RSKR: variants seen among roughly 807,000 people sequenced by gnomAD.
RSKR encodes the protein ribosomal protein S6 kinase related.
A neutral mutation model predicts 56.8 loss-of-function variants in RSKR; 44 were observed. The ratio of observed to expected loss-of-function variants is 0.77; its 90% CI spans 0.61 to 1.00. The LOEUF (loss-of-function observed/expected upper bound fraction) is 1.00, where lower values mean the gene tolerates loss of function less well. Ranked by LOEUF, RSKR falls within the 50% of genes least tolerant of loss-of-function variation. The probability of loss-of-function intolerance (pLI) is 0.00; values close to 1 mark genes in which losing one functional copy is unlikely to be tolerated. For missense variants in RSKR, 510 were observed against 506.9 expected, an observed-to-expected ratio of 1.01 and a Z score of -0.06; for synonymous variants, 181 against 188.0, an observed-to-expected ratio of 0.96 and a Z score of 0.30.
In RSKR at chr17:28,610,350, C is replaced by G; in HGVS notation, c.*128G>C. On this transcript the variant is annotated 3_prime_UTR_variant, in exon 12 of 12. Coordinates refer to ENST00000301037, the MANE Select transcript of RSKR (RefSeq NM_001174103.2). The stretch of plus-strand genomic sequence containing the variant: ...TCCAGGTTGGAACTCTGGTCTAAAG[C>G]CTAGGAGAGCAGAACGGTAAGAGGC... The G allele has an allele frequency of 5.8e-6, 5 of 869,502 alleles. No homozygotes were observed. The highest frequency in any genetic ancestry group is 8.8e-6 in the Non-Finnish European group (5 of 571,286). The allele number at this position is 869,502 out of a possible 1,614,324, so 53.9% of individuals were successfully genotyped here.
In RSKR at chr17:28,610,976, G is replaced by A; in HGVS notation, c.1011+167C>T. 3 of 690,094 alleles carry A rather than the reference G, an allele frequency of 4.3e-6. No homozygotes were observed. The South Asian group carries it at 5.8e-5, about 13-fold the overall frequency. The allele number at this position is 690,094 out of a possible 1,614,324, so 42.7% of individuals were successfully genotyped here. A position where few individuals can be genotyped will look rare whatever the true frequency, so the allele number is the denominator to read the frequency against. ...ATGGGGAGGAGATTTGGGGGACCAG[G>A]AACTTAGGAATGTGACTCAGTACAG... On this transcript the variant is annotated intron_variant, in intron 11 of 11. Coordinates refer to ENST00000301037, the MANE Select transcript of RSKR (RefSeq NM_001174103.2).
At chr17:28,612,568 G>T (rs1213358315) in intron 5 of RSKR, 50 bp downstream of exon 5, 3 of 1,586,286 alleles carry the variant, frequency 1.9e-6, no homozygotes, top group South Asian at 2.2e-5. Context: ...CTCAGGTGGG[G>T]AACATGGTAC....
rs1433425859 is a variant in RSKR, at chr17:28,611,941, G to A, written c.693+103C>T. The A allele has an allele frequency of 5.0e-5, 81 of 1,612,550 alleles. No homozygotes were observed. The Admixed American group carries it at 1.4e-3, about 27-fold the overall frequency. On this transcript the variant is annotated intron_variant, in intron 7 of 11. Coordinates refer to ENST00000301037, the MANE Select transcript of RSKR (RefSeq NM_001174103.2). ...TCCCCAAATCCTTGGCACCCATGGG[G>A]GCCCCAATGTCTACAGTTCTCAGCT...
chr17:28,613,091 T>A lies in RSKR; in HGVS notation c.464A>T (p.Glu155Val), dbSNP rs2070844999. The change falls in exon 4 of 12, where the codon GAG becomes GTG. Residue 155 changes from glutamate (E) to valine (V), a missense_variant. Transcript: ENST00000301037. ...CTCTGTGCATACCTGGATGCTAACC[T>A]CCTCTTTGCACTGCCTCACGGTATC... ...QRDTVRQCKEEVSIQRQINHP... is the reference protein window; with the variant it reads ...QRDTVRQCKEVVSIQRQINHP... 2 of 1,614,096 alleles carry A rather than the reference T, an allele frequency of 1.2e-6. No homozygotes were observed. Among genetic ancestry groups the A allele is most frequent in the Non-Finnish European group, 1.7e-6 (2 of 1,180,014 alleles).
At chr17:28,611,102 A>G (rs1357330405) in intron 11 of RSKR, 41 bp downstream of exon 11, 1 of 1,489,610 alleles carries the variant, frequency 6.7e-7, no homozygotes. Flanking sequence ...GAGAGCATTA[A>G]TGGTTTCGTA....
intron 1 of RSKR, 149 bp from the exon 2 acceptor site, chr17:28,613,837 G>A: frequency 8.3e-7 from 1 of 1,207,866 alleles, no homozygotes; most frequent in Non-Finnish European, 1.1e-6. Context: ...CTTGCTTTGT[G>A]CTAAGCCCCA....
At chr17:28,613,887 T>C in intron 1 of RSKR, 199 bp from the exon 2 acceptor site, 3 of 1,006,356 alleles carry the variant, frequency 3.0e-6, no homozygotes, top group East Asian at 2.6e-5. Flanking sequence ...GGAAAATAAT[T>C]GTTGGACATT....
At position 28,608,893 on chromosome 17, in the gene RSKR, C is replaced by G. The variant is rs899746113; in HGVS notation, c.*1585G>C. 2.0e-4 allele frequency: 30 copies of G among 151,088 alleles called. No individual in the cohort carries two copies. Among genetic ancestry groups the G allele is most frequent in the African/African-American group, 7.1e-4 (29 of 40,994 alleles). 9.4% of individuals were successfully genotyped at this position (151,088 alleles called of 1,614,324 possible). ...CTTACTTTCCCTTCAAGTCTCAGGA[C>G]AAAAATGAAAATTGTGAGAAATTAG... On this transcript the variant is annotated 3_prime_UTR_variant, in exon 12 of 12. Coordinates refer to ENST00000301037, the MANE Select transcript of RSKR (RefSeq NM_001174103.2).
chr17:28,611,111 T>C (rs762373670), intron 11 of RSKR, 32 bp downstream of exon 11: 103 of 1,507,044 alleles, frequency 6.8e-5, no homozygotes, highest in Non-Finnish European at 8.5e-5. Flanking sequence ...AATGGTTTCG[T>C]AGCCAAGAAG....
rs903500961 is a variant in RSKR at position 28,608,518 on chromosome 17, T to A, written c.*1960A>T. ...TACAGTGTGTGCCCTCATGACCAGC[T>A]AATTTTTGTATTTTTTGGGGAGAAA... is the stretch of plus-strand genomic sequence containing the variant. On this transcript the variant is annotated 3_prime_UTR_variant, in exon 12 of 12. Transcript: ENST00000301037. 1.3e-5 allele frequency: 2 copies of A among 152,054 alleles called. No individual in the cohort carries two copies. Among genetic ancestry groups the A allele is most frequent in the African/African-American group, 4.8e-5 (2 of 41,366 alleles). 9.4% of individuals were successfully genotyped at this position (152,054 alleles called of 1,614,324 possible).
At position 28,609,356 on chromosome 17, in the gene RSKR, TC is replaced by T. The variant is rs1206019447; in HGVS notation, c.*1121del. 6 of 152,082 alleles carry T rather than the reference TC, an allele frequency of 3.9e-5. No homozygotes were observed. Among genetic ancestry groups the T allele is most frequent in the Admixed American group, 3.3e-4 (5 of 15,244 alleles). 9.4% of individuals were successfully genotyped at this position (152,082 alleles called of 1,614,324 possible). A position where few individuals can be genotyped will look rare whatever the true frequency, so the allele number is the denominator to read the frequency against. On this transcript the variant is annotated 3_prime_UTR_variant, in exon 12 of 12. Coordinates refer to ENST00000301037, the MANE Select transcript of RSKR (RefSeq NM_001174103.2). ...GCCTCTTAATCTCTTGGTTTGCCCATCAGAAACTGAATCATGGGCTCACTAG... is the reference window on the plus strand; with the variant it reads ...GCCTCTTAATCTCTTGGTTTGCCCATAGAAACTGAATCATGGGCTCACTAG...
rs2070816116 is a variant in RSKR at position 28,611,637 on chromosome 17, GTC to G, written c.739_740del (p.Asp247LeufsTer38). On this transcript the variant is annotated frameshift_variant, in exon 9 of 12. Transcript: ENST00000301037. LOFTEE classifies it high-confidence loss of function. ...GGGGCACGTGGCGGGACAGACCAAA[GTC>G]TGTCAGTTTCAGATGGCCTATGAAA... ...LDERGHLKLT[D>X]FGLSRHVPQG... The G allele has an allele frequency of 6.3e-7, 1 of 1,582,312 alleles. No homozygotes were observed. Among genetic ancestry groups the G allele is most frequent in the South Asian group, 1.2e-5 (1 of 83,912 alleles).
intron 5 of RSKR, 33 bp downstream of exon 5, chr17:28,612,585 C>G: frequency 6.2e-7 from 1 of 1,609,192 alleles, no homozygotes; most frequent in African/African-American, 1.3e-5. Flanking sequence ...GTACAAAGAC[C>G]CTGGGGGATG....
In RSKR at chr17:28,610,674, C is replaced by T. The variant is rs1338132246; in HGVS notation, c.1037G>A (p.Arg346His). The change falls in exon 12 of 12, where the codon CGT (arginine) becomes CAT (histidine). Residue 346 changes from arginine to histidine, a missense_variant. Arg to His is a conservative substitution (Grantham distance 29). Coordinates refer to ENST00000301037, the MANE Select transcript of RSKR (RefSeq NM_001174103.2). Reference protein sequence around the residue: ...HELLCQNPLHRLRYLHHFQVH... With the variant: ...HELLCQNPLHHLRYLHHFQVH... ...CTGGAAGTGATGCAGATAACGTAGA[C>T]GATGGAGGGGGTTCTGGCATAAGAG... 16 of 1,535,800 alleles carry T rather than the reference C, an allele frequency of 1.0e-5. No homozygotes were observed. Among genetic ancestry groups the T allele is most frequent in the Admixed American group, 3.9e-5 (2 of 50,944 alleles).
rs1470772056 is a variant in RSKR, at chr17:28,610,119, G to A, written c.*359C>T. On this transcript the variant is annotated 3_prime_UTR_variant, in exon 12 of 12. Transcript: ENST00000301037. ...TAAACACATCAATAGCACCCTGGGA[G>A]CCCATGAAGTATTATTATTGCTCAA... The A allele has an allele frequency of 1.3e-5, 3 of 224,278 alleles. No individual in the cohort carries two copies. The highest frequency in any genetic ancestry group is 1.7e-4 in the South Asian group (2 of 11,812). The allele number at this position is 224,278 out of a possible 1,614,324, so 13.9% of individuals were successfully genotyped here. A position where few individuals can be genotyped will look rare whatever the true frequency, so the allele number is the denominator to read the frequency against.
chr17:28,608,592 G>T lies in RSKR; in HGVS notation c.*1886C>A, dbSNP rs1490560087. 1.3e-5 allele frequency: 2 copies of T among 152,054 alleles called. No individual in the cohort carries two copies. Among genetic ancestry groups the T allele is most frequent in the Non-Finnish European group, 2.9e-5 (2 of 68,028 alleles). 9.4% of individuals were successfully genotyped at this position (152,054 alleles called of 1,614,324 possible). On this transcript the variant is annotated 3_prime_UTR_variant, in exon 12 of 12. Transcript: ENST00000301037. ...GCTGGTCTCGAACTCCTGACCTCTG[G>T]TGATCCGCCCACCTCAGCCTCCCAA...
In RSKR at chr17:28,612,087, G is replaced by C. The variant is rs2070823691; in HGVS notation, c.653-3C>G. On this transcript the variant is annotated splice_polypyrimidine_tract_variant and splice_region_variant and intron_variant, in intron 6 of 11. Transcript: ENST00000301037. ...GATGCCCAAGTCATGGAGATAACCTGTGGATAACAAGTATGGGGTATGCTG... is the reference window on the plus strand; with the variant it reads ...GATGCCCAAGTCATGGAGATAACCTCTGGATAACAAGTATGGGGTATGCTG... 6.2e-7 allele frequency: 1 copy of C among 1,614,078 alleles called. No homozygotes were observed. Among genetic ancestry groups the C allele is most frequent in the Non-Finnish European group, 8.5e-7 (1 of 1,180,038 alleles).
At position 28,610,427 on chromosome 17, in the gene RSKR, G is replaced by T; in HGVS notation, c.*51C>A. The T allele has an allele frequency of 6.8e-7, 1 of 1,465,048 alleles. No individual in the cohort carries two copies. The highest frequency in any genetic ancestry group is 9.2e-7 in the Non-Finnish European group (1 of 1,083,252). The allele number at this position is 1,465,048 out of a possible 1,614,324, so 90.8% of individuals were successfully genotyped here. A position where few individuals can be genotyped will look rare whatever the true frequency, so the allele number is the denominator to read the frequency against. ...CAAGGTGGTCATACTGAGTAGGCAGGGATGGAGATCTTCAGGCTCCCAGCC... is the reference window on the plus strand; with the variant it reads ...CAAGGTGGTCATACTGAGTAGGCAGTGATGGAGATCTTCAGGCTCCCAGCC... On this transcript the variant is annotated 3_prime_UTR_variant, in exon 12 of 12. Transcript: ENST00000301037.
rs748355890 is a variant in RSKR, at chr17:28,614,081, G to T, written c.75+6C>A. 3.7e-6 allele frequency: 6 copies of T among 1,612,604 alleles called. No individual in the cohort carries two copies. The highest frequency in any genetic ancestry group is 5.1e-6 in the Non-Finnish European group (6 of 1,179,142). ...CTCAGTAGGCTGCCAGAGCCCCACA[G>T]CCTACCTTGTGAGGGACAGCCACCC... is the stretch of plus-strand genomic sequence containing the variant. On this transcript the variant is annotated splice_donor_region_variant and intron_variant, in intron 1 of 11. Coordinates refer to ENST00000301037, the MANE Select transcript of RSKR (RefSeq NM_001174103.2).
Sources: gnomAD v4.1 joint callset for allele counts on GRCh38, gnomAD v4.1.1 for gene constraint, MANE v1.5 for transcripts, NCBI Gene and HGNC (gene_info 2026-07-23, HGNC 2026-07-21) for gene names.